The following RELN variants were observed in gnomAD, a reference collection of about 807,000 sequenced individuals.
The protein encoded by RELN is reelin.
A neutral mutation model predicts 427.6 loss-of-function variants in RELN; 108 were observed. The observed-to-expected ratio is 0.25, with a 90% confidence interval of 0.22 to 0.30. The LOEUF (loss-of-function observed/expected upper bound fraction) is 0.30, where lower values mean the gene tolerates loss of function less well. Among genes scored for constraint, RELN ranks in the 10% least tolerant of loss-of-function variants. The pLI is 1.00. For missense variants in RELN, 3,715 were observed against 4,302.8 expected (o/e 0.86, Z 3.82); for synonymous variants, 1,524 against 1,513.4 (o/e 1.01, Z -0.16).
chr7:103,633,512 T>C (rs912797200), intron 19 of RELN, among the ~76,000 whole-genome samples: 2 of 151,590 alleles, frequency 1.3e-5, no homozygotes, highest in Non-Finnish European at 2.9e-5. Context: ...GCGTTTTTGC[T>C]ACCATTACCA....
At chr7:103,778,975 T>C (rs908260421) in intron 3 of RELN, among the ~76,000 whole-genome samples, 6 of 152,198 alleles carry the variant, frequency 3.9e-5, no homozygotes, top group Non-Finnish European at 8.8e-5. Context: ...TGAAAACCAC[T>C]AAACTGGTCT....
rs797045916 is a variant in RELN at position 103,556,984 on chromosome 7, A to G, written c.5790T>C (p.Tyr1930=). 5.6e-6 allele frequency: 9 copies of G among 1,611,150 alleles called. No individual in the cohort carries two copies. The highest frequency in any genetic ancestry group is 2.7e-5 in the African/African-American group (2 of 74,856). The change falls in exon 38 of 65, where the codon TAT becomes TAC. Residue 1930 remains tyrosine, a synonymous_variant. Coordinates refer to ENST00000428762, the MANE Select transcript of RELN (RefSeq NM_005045.4). ...NATRFRLWQP[Y]NNGKKEEIWI... ...GAACACATGCATTTTTACCGTTATTATAAGGTTGCCAGAGTCTGAATCTTG... is the reference window on the plus strand; with the variant it reads ...GAACACATGCATTTTTACCGTTATTGTAAGGTTGCCAGAGTCTGAATCTTG...
Position 103,863,878 on chromosome 7 carries a change from T to C in RELN, c.338-30206A>G, listed in dbSNP as rs141757531. ...TTGCAGCACTGGAAGAAATCACTGT[T>C]TTGTTGGCTGAGCACCAGATTAGGT... On this transcript the variant is annotated intron_variant, in intron 2 of 64. Coordinates refer to ENST00000428762, the MANE Select transcript of RELN (RefSeq NM_005045.4). Among the ~76,000 whole-genome samples the C allele has an allele frequency of 3.0e-3, 463 of 152,234 alleles. 3 individuals carry two copies. Among genetic ancestry groups the C allele is most frequent in the Middle Eastern group, 0.014 (4 of 294 alleles).
chr7:103,821,553 G>A (rs78680825), intron 3 of RELN, among the ~76,000 whole-genome samples: 1 of 152,048 alleles, frequency 6.6e-6, no homozygotes, highest in African/African-American at 2.4e-5. Flanking sequence ...CAAAATTAAA[G>A]AATACTTTAG....
At chr7:103,774,346 G>T (rs1791684094) in intron 4 of RELN, among the ~76,000 whole-genome samples, 1 of 151,314 alleles carries the variant, frequency 6.6e-6, no homozygotes, top group Non-Finnish European at 1.5e-5. Flanking sequence ...TAAGAAAAGG[G>T]ATTAAGATTA....
intron 17 of RELN, among the ~76,000 whole-genome samples, chr7:103,637,744 T>C (rs577514299): frequency 4.5e-4 from 69 of 152,302 alleles, no homozygotes; most frequent in African/African-American, 1.7e-3. Context: ...ATAGCCAAGT[T>C]GTTTCCAAAA....
chr7:103,715,892 C>T (rs1668780261), intron 8 of RELN, among the ~76,000 whole-genome samples: 1 of 152,222 alleles, frequency 6.6e-6, no homozygotes, highest in Non-Finnish European at 1.5e-5. Context: ...CCCTGCCAGG[C>T]CGTCCTCCTT....
intron 6 of RELN, among the ~76,000 whole-genome samples, chr7:103,732,738 T>C (rs376002710): frequency 4.6e-5 from 7 of 152,278 alleles, no homozygotes; most frequent in Middle Eastern, 3.4e-3. Flanking sequence ...CTTTCAGTCC[T>C]ACCCTCCTCA....
chr7:103,984,637 A>G (rs138567542), intron 1 of RELN, among the ~76,000 whole-genome samples: 1 of 152,022 alleles, frequency 6.6e-6, no homozygotes, highest in Non-Finnish European at 1.5e-5. Context: ...AATTGTAGAG[A>G]GTAAGATAAA....
chr7:103,514,164 A>G (rs1829499611), intron 50 of RELN, among the ~76,000 whole-genome samples: 1 of 152,194 alleles, frequency 6.6e-6, no homozygotes, highest in Admixed American at 6.6e-5. Flanking sequence ...CAATACTGGC[A>G]TAACAGTATA....
intron 1 of RELN, among the ~76,000 whole-genome samples, chr7:103,983,971 T>A (rs1432251600): frequency 2.0e-5 from 3 of 152,112 alleles, no homozygotes; most frequent in African/African-American, 7.2e-5. Flanking sequence ...GTAAAGGTTA[T>A]TTGAAATAAA....
intron 2 of RELN, among the ~76,000 whole-genome samples, chr7:103,838,536 C>T (rs1793470451): frequency 6.6e-6 from 1 of 152,048 alleles, no homozygotes; most frequent in Non-Finnish European, 1.5e-5. Flanking sequence ...AAGAGAGTCC[C>T]AGGAAAATCA....
chr7:103,675,873 A>C (rs1446416584), intron 11 of RELN, among the ~76,000 whole-genome samples: 1 of 90,112 alleles, frequency 1.1e-5, no homozygotes, highest in Admixed American at 1.1e-4. Context: ...CTTACACCTT[A>C]TACAAAAATT....
chr7:103,639,478 C>A (rs950466782), intron 17 of RELN, among the ~76,000 whole-genome samples: 19 of 150,872 alleles, frequency 1.3e-4, no homozygotes, highest in Non-Finnish European at 2.7e-4. Flanking sequence ...TGGCTCACTG[C>A]AACCTCTACC....
chr7:103,709,717 T>C (rs1011666304), intron 8 of RELN, among the ~76,000 whole-genome samples: 8 of 152,238 alleles, frequency 5.3e-5, no homozygotes, highest in African/African-American at 1.7e-4. Context: ...TTTGTCAGTA[T>C]ATATGAGTCA....
At chr7:103,677,431 TA>T (rs1170706646) in intron 11 of RELN, among the ~76,000 whole-genome samples, 1 of 146,748 alleles carries the variant, frequency 6.8e-6, no homozygotes, top group Non-Finnish European at 1.5e-5. Flanking sequence ...ATAATAATAA[TA>T]ATAATAATAA....
chr7:103,798,227 A>G (rs1792357665), intron 3 of RELN, among the ~76,000 whole-genome samples: 1 of 152,212 alleles, frequency 6.6e-6, no homozygotes, highest in Non-Finnish European at 1.5e-5. Context: ...AGCAATTTGA[A>G]AACAAATATG....
At chr7:103,690,342 A>C (rs1425909919) in intron 10 of RELN, among the ~76,000 whole-genome samples, 1 of 152,080 alleles carries the variant, frequency 6.6e-6, no homozygotes. Flanking sequence ...CCATTCTCAC[A>C]GAGCTGGTGC....
chr7:103,608,059 A>G (rs1283392825), intron 22 of RELN, among the ~76,000 whole-genome samples: 1 of 152,210 alleles, frequency 6.6e-6, no homozygotes, highest in Non-Finnish European at 1.5e-5. Flanking sequence ...ATTTGCTTTT[A>G]TGTATTCAAT....
Sources: gnomAD v4.1 joint callset for allele counts (sites outside exome capture counted in the v4.1 genomes callset) on GRCh38, gnomAD v4.1.1 for gene constraint, MANE v1.5 for transcripts, NCBI Gene and HGNC (gene_info 2026-07-23, HGNC 2026-07-21) for gene names.